SCP2: variants seen among roughly 807,000 people sequenced by gnomAD.
SCP2 encodes the protein sterol carrier protein 2.
In SCP2, 48 loss-of-function variants were observed where a neutral mutation model predicts 71.4. That is an observed-to-expected ratio of 0.67 (90% CI 0.53 to 0.86). The LOEUF (loss-of-function observed/expected upper bound fraction) is 0.86, where lower values mean the gene tolerates loss of function less well. Ranked by LOEUF, SCP2 falls within the 40% of genes least tolerant of loss-of-function variation. The pLI is 0.00. For synonymous variants in SCP2, 220 were observed against 218.1 expected (o/e 1.01, Z -0.08); for missense variants, 560 against 655.6 (o/e 0.85, Z 1.59).
At position 53,014,060 on chromosome 1, in the gene SCP2, T is replaced by G. The variant is rs1046263183; in HGVS notation, c.1082-830T>G. 4.0e-4 allele frequency among the ~76,000 whole-genome samples: 51 copies of G among 128,312 alleles called. 1 individual carries two copies. The East Asian group carries it at 0.011, about 28-fold the overall frequency. 84.2% of individuals were successfully genotyped at this position (128,312 alleles called of 152,430 possible). On this transcript the variant is annotated intron_variant, in intron 11 of 15. Transcript: ENST00000371514. ...AGAGGCGCCTGCCACCACGCCCGGC[T>G]AATTTTTTTTTTTTTTTTGTATTTT...
At chr1:52,970,824 CTTTTCT>C (rs1657404880) in intron 6 of SCP2, among the ~76,000 whole-genome samples, 1 of 150,524 alleles carries the variant, frequency 6.6e-6, no homozygotes, top group African/African-American at 2.4e-5. Flanking sequence ...TATATTTTTT[CTTTTCT>C]TTTTCTTTTT....
chr1:52,958,459 G>A lies in SCP2; in HGVS notation c.397-3044G>A, dbSNP rs930263267. Among the ~76,000 whole-genome samples the A allele has an allele frequency of 3.9e-5, 6 of 152,026 alleles. No homozygotes were observed. The East Asian group carries it at 9.6e-4, about 24-fold the overall frequency. On this transcript the variant is annotated intron_variant, in intron 5 of 15. Transcript: ENST00000371514. ...TTGACCAGGCTGGTCTTGAACTCCC[G>A]ACCTCAGGCGATCCACCTGCCTCGG...
intron 12 of SCP2, among the ~76,000 whole-genome samples, chr1:53,017,025 CAATT>C (rs1661383972): frequency 6.6e-6 from 1 of 152,110 alleles, no homozygotes; most frequent in African/African-American, 2.4e-5. Flanking sequence ...ATTTAATTCA[CAATT>C]AAACTTTAAT....
intron 6 of SCP2, among the ~76,000 whole-genome samples, chr1:52,962,093 G>A (rs1408775146): frequency 6.6e-6 from 1 of 152,070 alleles, no homozygotes; most frequent in East Asian, 1.9e-4. Flanking sequence ...GGTAGAGGTG[G>A]CTTTTTGCCA....
Position 52,962,139 on chromosome 1 carries a change from T to C in SCP2, c.523+510T>C, listed in dbSNP as rs143380624. Among the ~76,000 whole-genome samples, 257 of 152,276 alleles carry C rather than the reference T, an allele frequency of 1.7e-3. 3 individuals carry two copies. The East Asian group carries it at 0.042, about 25-fold the overall frequency. On this transcript the variant is annotated intron_variant, in intron 6 of 15. Transcript: ENST00000371514. The stretch of plus-strand genomic sequence containing the variant: ...GCTGGTCTCAAACTCTGAGCTCAAG[T>C]GATCCACCTGTCTCAGCCTCCCAAA...
intron 11 of SCP2, among the ~76,000 whole-genome samples, chr1:53,006,592 C>T (rs535245963): frequency 3.9e-5 from 6 of 152,300 alleles, no homozygotes; most frequent in African/African-American, 1.4e-4. Context: ...GAGATTTTGT[C>T]ACCACCAGGC....
In SCP2 at chr1:52,934,631, G is replaced by T. The variant is rs867226739; in HGVS notation, c.70-7165G>T. ...TTTTTTTTTTTTTTTTTTTTTTTTT[G>T]AGACGGAGTCTCTCTCTGTCCCCCA... On this transcript the variant is annotated intron_variant, in intron 1 of 15. Coordinates refer to ENST00000371514, the MANE Select transcript of SCP2 (RefSeq NM_002979.5). 4.5e-3 allele frequency among the ~76,000 whole-genome samples: 21 copies of T among 4,660 alleles called. No homozygotes were observed. The South Asian group carries it at 0.1, about 23-fold the overall frequency. 3.1% of individuals were successfully genotyped at this position (4,660 alleles called of 152,430 possible). A position where few individuals can be genotyped will look rare whatever the true frequency, so the allele number is the denominator to read the frequency against.
At chr1:52,973,564 G>A (rs1469762169) in intron 6 of SCP2, among the ~76,000 whole-genome samples, 1 of 151,912 alleles carries the variant, frequency 6.6e-6, no homozygotes, top group Non-Finnish European at 1.5e-5. Flanking sequence ...ACCCATATTG[G>A]CCTCCTCCTG....
intron 6 of SCP2, among the ~76,000 whole-genome samples, chr1:52,966,021 T>C (rs1057237229): frequency 3.9e-5 from 6 of 152,142 alleles, no homozygotes; most frequent in African/African-American, 1.4e-4. Flanking sequence ...AGTTTTATTA[T>C]TGATTTTACT....
At position 52,994,743 on chromosome 1, in the gene SCP2, C is replaced by T. The variant is rs1557595101; in HGVS notation, c.1081+6607C>T. The T allele has an allele frequency of 7.0e-6, 5 of 718,750 alleles. No homozygotes were observed. The East Asian group carries it at 2.3e-4, about 34-fold the overall frequency. The allele number at this position is 718,750 out of a possible 1,614,324, so 44.5% of individuals were successfully genotyped here. A position where few individuals can be genotyped will look rare whatever the true frequency, so the allele number is the denominator to read the frequency against. ...TTTTAACCATGAGGGAAATCGTGCA[C>T]ATCCAGGCCTGTCAGTGTGGCAACC... is the stretch of plus-strand genomic sequence containing the variant. On this transcript the variant is annotated intron_variant, in intron 11 of 15. Coordinates refer to ENST00000371514, the MANE Select transcript of SCP2 (RefSeq NM_002979.5).
chr1:53,017,567 T>G (rs1171817900), intron 12 of SCP2, among the ~76,000 whole-genome samples: 4 of 152,254 alleles, frequency 2.6e-5, no homozygotes, highest in African/African-American at 9.6e-5. Flanking sequence ...TTCCATTGTA[T>G]GGAAGTGTTA....
intron 11 of SCP2, among the ~76,000 whole-genome samples, chr1:53,003,275 G>A (rs1263080810): frequency 6.6e-6 from 1 of 152,178 alleles, no homozygotes; most frequent in Admixed American, 6.5e-5. Flanking sequence ...CTGGAGTGCA[G>A]TGGCATGATC....
intron 5 of SCP2, among the ~76,000 whole-genome samples, chr1:52,961,036 G>A (rs1656381861): frequency 6.7e-6 from 1 of 148,654 alleles, no homozygotes; most frequent in South Asian, 2.2e-4. Flanking sequence ...ACAGGTGTGA[G>A]CCACCACGCC....
At chr1:52,952,144 C>T (rs566592391) in intron 4 of SCP2, among the ~76,000 whole-genome samples, 2 of 152,234 alleles carry the variant, frequency 1.3e-5, no homozygotes, top group South Asian at 4.1e-4. Flanking sequence ...TTCTCCTCCC[C>T]TCAGTCCCTA....
At chr1:52,981,472 T>C (rs557245543) in intron 10 of SCP2, among the ~76,000 whole-genome samples, 1 of 151,964 alleles carries the variant, frequency 6.6e-6, no homozygotes, top group African/African-American at 2.4e-5. Context: ...AGTCTCGCTT[T>C]GTCACCCAGG....
intron 11 of SCP2, among the ~76,000 whole-genome samples, chr1:53,009,413 TG>T (rs1660842222): frequency 1.3e-5 from 2 of 152,340 alleles, no homozygotes; most frequent in Admixed American, 6.5e-5. Context: ...AGCATGGTAC[TG>T]GTATCAAAAC....
intron 2 of SCP2, 129 bp from the exon 3 acceptor site, chr1:52,947,880 G>T (rs1322121459): frequency 1.7e-5 from 12 of 703,192 alleles, no homozygotes; most frequent in Non-Finnish European, 1.0e-5. Context: ...TTTGATGAAG[G>T]ATTTGTCATT....
intron 11 of SCP2, chr1:52,994,356 AGTT>A (rs1659774804): frequency 1.1e-6 from 1 of 905,214 alleles, no homozygotes; most frequent in African/African-American, 1.8e-5. Flanking sequence ...ATTTCATTTT[AGTT>A]GTTCTTGTTG....
rs981207399 is a variant in SCP2 at position 52,961,660 on chromosome 1, C to T, written c.523+31C>T. The T allele has an allele frequency of 3.8e-6, 6 of 1,588,814 alleles. No individual in the cohort carries two copies. In the Admixed American group the frequency reaches 1.0e-4, roughly 27 times the overall value. ...TTACAGTTAAAAAACTTTGAGGCTTCTTACTAGTTATATACATGAGATGAG... is the reference window on the plus strand; with the variant it reads ...TTACAGTTAAAAAACTTTGAGGCTTTTTACTAGTTATATACATGAGATGAG... On this transcript the variant is annotated intron_variant, in intron 6 of 15. Coordinates refer to ENST00000371514, the MANE Select transcript of SCP2 (RefSeq NM_002979.5).
Sources: allele counts gnomAD v4.1 joint callset (sites outside exome capture counted in the v4.1 genomes callset), GRCh38; gene constraint gnomAD v4.1.1; transcripts MANE v1.5; gene names NCBI Gene and HGNC (gene_info 2026-07-23, HGNC 2026-07-21).